Variants in PLCXD3 observed in about 807,000 individuals in gnomAD.
PLCXD3 encodes the protein PI-PLC X domain-containing protein 3.
Under a neutral mutation model 25.5 loss-of-function variants are expected in PLCXD3, and 19 were observed. The ratio of observed to expected loss-of-function variants is 0.75; its 90% confidence interval spans 0.52 to 1.09. The LOEUF (loss-of-function observed/expected upper bound fraction) is 1.09, where lower values mean the gene tolerates loss of function less well. Ranked by LOEUF, PLCXD3 falls within the 50% of genes least tolerant of loss-of-function variation. The pLI, the probability that PLCXD3 is intolerant of heterozygous loss-of-function variation, is 0.00. For missense variants in PLCXD3, 411 were observed against 388.1 expected (o/e 1.06, Z -0.50); for synonymous variants, 174 against 137.6 (o/e 1.26, Z -1.85).
At chr5:41,376,212 A>C (rs1040995497) in intron 2 of PLCXD3, among the ~76,000 whole-genome samples, 1 of 152,074 alleles carries the variant, frequency 6.6e-6, no homozygotes, top group Non-Finnish European at 1.5e-5. Flanking sequence ...CATCCATATA[A>C]AATGATACTG....
At chr5:41,364,084 T>C (rs1056476812) in intron 2 of PLCXD3, among the ~76,000 whole-genome samples, 3 of 151,834 alleles carry the variant, frequency 2.0e-5, no homozygotes, top group Non-Finnish European at 4.4e-5. Flanking sequence ...CCTCCAGGGG[T>C]GGGCATGGGG....
Position 41,493,195 on chromosome 5 carries a change from A to G in PLCXD3, c.103+17229T>C, listed in dbSNP as rs181343723. Among the ~76,000 whole-genome samples the G allele has an allele frequency of 7.0e-4, 106 of 152,126 alleles. 1 individual carries two copies. The East Asian group carries it at 0.013, about 19-fold the overall frequency. Reference sequence around the variant, plus strand: ...GTCTGTTGGAGTTTGCTGGAGGTCCACTCCAGACCCTGTTTGCCTGGGTAC... The same window carrying G: ...GTCTGTTGGAGTTTGCTGGAGGTCCGCTCCAGACCCTGTTTGCCTGGGTAC... On this transcript the variant is annotated intron_variant, in intron 1 of 2. Coordinates refer to ENST00000377801, the MANE Select transcript of PLCXD3 (RefSeq NM_001005473.3).
chr5:41,375,445 C>A (rs569118551), intron 2 of PLCXD3, among the ~76,000 whole-genome samples: 1 of 152,162 alleles, frequency 6.6e-6, no homozygotes, highest in South Asian at 2.1e-4. Context: ...AATTTTAATC[C>A]TTTCTCTGCT....
At chr5:41,500,044 T>C (rs1580405033) in intron 1 of PLCXD3, among the ~76,000 whole-genome samples, 1 of 151,942 alleles carries the variant, frequency 6.6e-6, no homozygotes, top group East Asian at 1.9e-4. Flanking sequence ...GAACTTCCAT[T>C]TGATCCAGCA....
chr5:41,499,929 A>C lies in PLCXD3; in HGVS notation c.103+10495T>G, dbSNP rs553983576. 2.0e-5 allele frequency among the ~76,000 whole-genome samples: 3 copies of C among 151,956 alleles called. No individual in the cohort carries two copies. In the South Asian group the frequency reaches 6.2e-4, roughly 31 times the overall value. On this transcript the variant is annotated intron_variant, in intron 1 of 2. Coordinates refer to ENST00000377801, the MANE Select transcript of PLCXD3 (RefSeq NM_001005473.3). Reference sequence around the variant, plus strand: ...AAAGATGTTGGGAAACTAGATATCCACATGAGAAATAATGATTTTGAGTCC... The same window carrying C: ...AAAGATGTTGGGAAACTAGATATCCCCATGAGAAATAATGATTTTGAGTCC...
Position 41,465,723 on chromosome 5 carries a change from C to T in PLCXD3, c.103+44701G>A, listed in dbSNP as rs113005149. On this transcript the variant is annotated intron_variant, in intron 1 of 2. Coordinates refer to ENST00000377801, the MANE Select transcript of PLCXD3 (RefSeq NM_001005473.3). ...ATGGGGGCCAGGGAGCATGTGTCTG[C>T]GGTCTGAAAACTGGATTGGCCATTA... 5.1e-3 allele frequency among the ~76,000 whole-genome samples: 768 copies of T among 152,046 alleles called. 3 individuals are homozygous for T. The highest frequency in any genetic ancestry group is 1.0e-2 in the Admixed American group (152 of 15,254).
At chr5:41,335,845 T>C (rs548244794) in intron 2 of PLCXD3, among the ~76,000 whole-genome samples, 250 of 152,252 alleles carry the variant, frequency 1.6e-3, no homozygotes, top group African/African-American at 5.7e-3. Context: ...TGAATAGCCT[T>C]GCATGGAAAC....
intron 2 of PLCXD3, among the ~76,000 whole-genome samples, chr5:41,351,310 A>T (rs566918928): frequency 8.6e-4 from 131 of 152,170 alleles, no homozygotes; most frequent in African/African-American, 3.1e-3. Flanking sequence ...GTGTGACTTT[A>T]TTAGTATATC....
At chr5:41,492,473 T>C (rs1484357045) in intron 1 of PLCXD3, among the ~76,000 whole-genome samples, 11 of 152,164 alleles carry the variant, frequency 7.2e-5, no homozygotes, top group African/African-American at 1.4e-4. Flanking sequence ...TGAATCTGAA[T>C]GTTGGCCTGC....
rs1249676371 is a variant in PLCXD3, at chr5:41,312,664, C to CTTTCT, written c.*952_*953insAGAAA. 2.9e-5 allele frequency: 4 copies of CTTTCT among 137,294 alleles called. No homozygotes were observed. The highest frequency in any genetic ancestry group is 1.1e-4 in the African/African-American group (4 of 36,700). 8.5% of individuals were successfully genotyped at this position (137,294 alleles called of 1,614,324 possible). On this transcript the variant is annotated 3_prime_UTR_variant, in exon 3 of 3. Coordinates refer to ENST00000377801, the MANE Select transcript of PLCXD3 (RefSeq NM_001005473.3). ...CTTCCCTCCCTTCTTCCCTCCCTTC[C>CTTTCT]TCCCTCCCTTCCTTTCTTCCTTTCC...
At chr5:41,360,996 C>G (rs1052757250) in intron 2 of PLCXD3, among the ~76,000 whole-genome samples, 1 of 151,920 alleles carries the variant, frequency 6.6e-6, no homozygotes, top group Non-Finnish European at 1.5e-5. Flanking sequence ...CTTCTGCTAC[C>G]AGGGCAGGTA....
intron 2 of PLCXD3, among the ~76,000 whole-genome samples, chr5:41,380,976 G>A (rs1022480577): frequency 3.3e-5 from 5 of 152,080 alleles, no homozygotes; most frequent in Non-Finnish European, 5.9e-5. Flanking sequence ...CTTTCTCAGG[G>A]TAACCATTCC....
chr5:41,351,867 A>G (rs1025629534), intron 2 of PLCXD3, among the ~76,000 whole-genome samples: 1 of 152,220 alleles, frequency 6.6e-6, no homozygotes, highest in African/African-American at 2.4e-5. Flanking sequence ...ATTAATTAAT[A>G]TCACTCAACT....
chr5:41,321,611 C>A (rs1361574556), intron 2 of PLCXD3, among the ~76,000 whole-genome samples: 3 of 152,120 alleles, frequency 2.0e-5, no homozygotes, highest in African/African-American at 7.2e-5. Flanking sequence ...ACAAAAGACC[C>A]AGCATAGCCA....
intron 2 of PLCXD3, among the ~76,000 whole-genome samples, chr5:41,339,168 A>C (rs985181447): frequency 2.6e-5 from 4 of 152,068 alleles, no homozygotes; most frequent in Non-Finnish European, 4.4e-5. Context: ...CTCCCTCTTT[A>C]GCTCAGAGAA....
At chr5:41,466,621 C>A (rs367930583) in intron 1 of PLCXD3, among the ~76,000 whole-genome samples, 1 of 152,006 alleles carries the variant, frequency 6.6e-6, no homozygotes, top group African/African-American at 2.4e-5. Context: ...ACTCTGCTTG[C>A]AATAGATCTC....
chr5:41,382,606 A>C, intron 1 of PLCXD3, 72 bp from the exon 2 acceptor site: 1 of 1,175,918 alleles, frequency 8.5e-7, no homozygotes, highest in Non-Finnish European at 1.2e-6. Flanking sequence ...TCCCTCTTGC[A>C]ATATCCATAC....
chr5:41,334,453 T>G (rs1743922711), intron 2 of PLCXD3, among the ~76,000 whole-genome samples: 1 of 152,108 alleles, frequency 6.6e-6, no homozygotes, highest in African/African-American at 2.4e-5. Context: ...CCAAAAATAT[T>G]GGGCACAGGA....
At chr5:41,506,769 A>T (rs924179452) in intron 1 of PLCXD3, among the ~76,000 whole-genome samples, 2 of 152,164 alleles carry the variant, frequency 1.3e-5, no homozygotes, top group Non-Finnish European at 2.9e-5. Flanking sequence ...TGGTGTTTGC[A>T]TTTTCTAAAG....
Sources: gnomAD v4.1 joint callset for allele counts (sites outside exome capture counted in the v4.1 genomes callset) on GRCh38, gnomAD v4.1.1 for gene constraint, MANE v1.5 for transcripts, NCBI Gene and HGNC (gene_info 2026-07-23, HGNC 2026-07-21) for gene names.